The following GRIK2 variants were observed in gnomAD, a reference collection of about 807,000 sequenced individuals.
GRIK2 encodes the protein glutamate ionotropic receptor kainate type subunit 2.
A neutral mutation model predicts 100.3 loss-of-function variants in GRIK2; 32 were observed. That is an observed-to-expected ratio of 0.32 (90% CI 0.24 to 0.43). The LOEUF is 0.43. Ranked by LOEUF, GRIK2 falls within the 20% of genes least tolerant of loss-of-function variation. The probability of loss-of-function intolerance (pLI) is 1.00; values close to 1 mark genes in which losing one functional copy is unlikely to be tolerated. For missense variants in GRIK2, 843 were observed against 1,114.9 expected (o/e 0.76, Z 3.47); for synonymous variants, 417 against 389.4 (o/e 1.07, Z -0.83).
At chr6:101,411,456 C>T (rs962895717) in intron 2 of GRIK2, among the ~76,000 whole-genome samples, 4 of 152,174 alleles carry the variant, frequency 2.6e-5, no homozygotes, top group African/African-American at 9.6e-5. Context: ...AAGTGCATAA[C>T]TGCATAGTTC....
intron 2 of GRIK2, among the ~76,000 whole-genome samples, chr6:101,549,655 A>G (rs1330901682): frequency 6.6e-6 from 1 of 152,130 alleles, no homozygotes; most frequent in Non-Finnish European, 1.5e-5. Context: ...TGCTGTATGA[A>G]TCAGCCATCA....
chr6:101,806,639 T>C (rs78434326), intron 9 of GRIK2, among the ~76,000 whole-genome samples: 3 of 151,428 alleles, frequency 2.0e-5, no homozygotes, highest in African/African-American at 4.9e-5. Flanking sequence ...TTTTTTTTTT[T>C]CTCATTTCCT....
intron 7 of GRIK2, among the ~76,000 whole-genome samples, chr6:101,791,425 G>T (rs532726928): frequency 1.4e-3 from 217 of 152,010 alleles, no homozygotes; most frequent in Non-Finnish European, 2.6e-3. Flanking sequence ...TCTCATTGGT[G>T]TCAAAGAAGA....
intron 14 of GRIK2, among the ~76,000 whole-genome samples, chr6:102,013,054 T>C (rs1795631992): frequency 6.6e-6 from 1 of 152,224 alleles, no homozygotes; most frequent in Middle Eastern, 3.2e-3. Context: ...TATTGATTTT[T>C]CCTATCTATG....
At chr6:101,789,008 T>C (rs1314868152) in intron 7 of GRIK2, among the ~76,000 whole-genome samples, 5 of 152,186 alleles carry the variant, frequency 3.3e-5, no homozygotes, top group East Asian at 1.9e-4. Context: ...TAAATGTCTT[T>C]TTTTGAGAAG....
intron 7 of GRIK2, among the ~76,000 whole-genome samples, chr6:101,776,306 A>G (rs956803176): frequency 6.6e-6 from 1 of 152,206 alleles, no homozygotes; most frequent in Non-Finnish European, 1.5e-5. Context: ...ATTAATTTGT[A>G]TGAAATGTTC....
intron 2 of GRIK2, among the ~76,000 whole-genome samples, chr6:101,533,324 G>T (rs534518867): frequency 4.0e-5 from 6 of 151,892 alleles, no homozygotes; most frequent in African/African-American, 1.4e-4. Flanking sequence ...GTGCAATTAA[G>T]AAGGGGTAAT....
chr6:101,437,501 T>C (rs1306226267), intron 2 of GRIK2, among the ~76,000 whole-genome samples: 1 of 152,116 alleles, frequency 6.6e-6, no homozygotes, highest in Non-Finnish European at 1.5e-5. Context: ...AATATTGTGA[T>C]TAAAATTTCC....
At chr6:101,896,788 G>A (rs1260034870) in intron 12 of GRIK2, among the ~76,000 whole-genome samples, 1 of 151,654 alleles carries the variant, frequency 6.6e-6, no homozygotes, top group African/African-American at 2.4e-5. Context: ...ATGGTCATCT[G>A]TGATGATTTG....
At chr6:101,649,183 TC>T (rs1237287885) in intron 4 of GRIK2, among the ~76,000 whole-genome samples, 4 of 152,046 alleles carry the variant, frequency 2.6e-5, no homozygotes, top group Non-Finnish European at 2.9e-5. Flanking sequence ...TCTCCTCTCT[TC>T]CTTTCAAGAA....
chr6:101,872,750 A>G (rs1269920694), intron 11 of GRIK2, among the ~76,000 whole-genome samples: 3 of 151,862 alleles, frequency 2.0e-5, no homozygotes, highest in East Asian at 1.9e-4. Flanking sequence ...TACTTACTCC[A>G]TAATTCCTCA....
chr6:101,686,596 A>G (rs1284096394), intron 7 of GRIK2, among the ~76,000 whole-genome samples: 1 of 152,166 alleles, frequency 6.6e-6, no homozygotes, highest in Non-Finnish European at 1.5e-5. Flanking sequence ...GGGTACTACA[A>G]CATAGGAATT....
intron 14 of GRIK2, among the ~76,000 whole-genome samples, chr6:101,938,506 G>A (rs1041859353): frequency 1.3e-5 from 2 of 152,106 alleles, no homozygotes; most frequent in South Asian, 2.1e-4. Flanking sequence ...GATGGTAAAT[G>A]TCTTATTCTT....
chr6:101,891,065 T>G (rs1455029035), intron 12 of GRIK2, among the ~76,000 whole-genome samples: 1 of 151,630 alleles, frequency 6.6e-6, no homozygotes, highest in Non-Finnish European at 1.5e-5. Context: ...TTACATGGAT[T>G]CTTTTGATAA....
At chr6:102,038,316 A>T (rs1001739646) in intron 15 of GRIK2, among the ~76,000 whole-genome samples, 3 of 151,336 alleles carry the variant, frequency 2.0e-5, no homozygotes, top group Admixed American at 6.6e-5. Flanking sequence ...TTCATTTGGG[A>T]AGAGCTGAAA....
chr6:101,509,479 G>T (rs944887155), intron 2 of GRIK2, among the ~76,000 whole-genome samples: 1 of 152,168 alleles, frequency 6.6e-6, no homozygotes, highest in Non-Finnish European at 1.5e-5. Flanking sequence ...TCAACTCATA[G>T]AAAATATCTT....
intron 10 of GRIK2, among the ~76,000 whole-genome samples, chr6:101,856,828 C>T (rs1291493909): frequency 6.6e-6 from 1 of 151,992 alleles, no homozygotes; most frequent in Non-Finnish European, 1.5e-5. Context: ...AGAGACTAGA[C>T]TTCAATGAGG....
At chr6:101,460,026 G>A (rs1771217796) in intron 2 of GRIK2, among the ~76,000 whole-genome samples, 1 of 152,098 alleles carries the variant, frequency 6.6e-6, no homozygotes, top group Admixed American at 6.5e-5. Flanking sequence ...CGATGTGCTG[G>A]GATTATAGGC....
rs1326828537 is a variant in GRIK2, at chr6:101,943,414, G to A, written c.2085+14782G>A. ...ACTGCCTAATGGAAATGTGAGAGAA[G>A]GGCCACTGTCCTCCAGACTCTAGAA... On this transcript the variant is annotated intron_variant, in intron 14 of 16. Transcript: ENST00000369134. 2.6e-5 allele frequency among the ~76,000 whole-genome samples: 4 copies of A among 152,276 alleles called. 1 individual carries two copies. The highest frequency in any genetic ancestry group is 2.6e-4 in the Admixed American group (4 of 15,290).
Sources: gnomAD v4.1 joint callset for allele counts (sites outside exome capture counted in the v4.1 genomes callset) on GRCh38, gnomAD v4.1.1 for gene constraint, MANE v1.5 for transcripts, NCBI Gene and HGNC (gene_info 2026-07-23, HGNC 2026-07-21) for gene names.